PES1: variants seen among roughly 807,000 people sequenced by gnomAD.
PES1 encodes the protein pescadillo homolog.
Under a neutral mutation model 77.1 loss-of-function variants are expected in PES1, and 31 were observed. The observed-to-expected ratio is 0.40, with a 90% CI of 0.30 to 0.54. PES1 has a LOEUF of 0.54. Ranked by LOEUF, PES1 falls within the 20% of genes least tolerant of loss-of-function variation. The probability of loss-of-function intolerance (pLI) is 0.45; values close to 1 mark genes in which losing one functional copy is unlikely to be tolerated. For missense variants in PES1, 658 were observed against 771.7 expected (o/e 0.85, Z 1.75); for synonymous variants, 282 against 303.0 (o/e 0.93, Z 0.72).
intron 1 of PES1, among the ~76,000 whole-genome samples, chr22:30,589,529 C>G (rs2087147810): frequency 6.6e-6 from 1 of 152,202 alleles, no homozygotes. Flanking sequence ...GGTGCTGTGC[C>G]AAGTGCTTAG....
intron 2 of PES1, among the ~76,000 whole-genome samples, chr22:30,598,653 TCCTTA>T (rs1328573687): frequency 6.6e-6 from 1 of 152,038 alleles, no homozygotes; most frequent in African/African-American, 2.4e-5. Context: ...GGTATTGAAC[TCCTTA>T]CCTTAAGTGA....
intron 3 of PES1, among the ~76,000 whole-genome samples, chr22:30,587,773 C>T (rs1266347465): frequency 1.3e-5 from 2 of 152,224 alleles, no homozygotes; most frequent in African/African-American, 2.4e-5. Context: ...CAGACTATAT[C>T]AGCATGAAAC....
chr22:30,588,008 G>A lies in PES1; in HGVS notation c.258+13C>T. 1 of 1,612,938 alleles carries A rather than the reference G, an allele frequency of 6.2e-7. No individual in the cohort carries two copies. The highest frequency in any genetic ancestry group is 8.5e-7 in the Non-Finnish European group (1 of 1,179,818). On this transcript the variant is annotated intron_variant, in intron 3 of 14. Coordinates refer to ENST00000354694, the MANE Select transcript of PES1 (RefSeq NM_014303.4). Reference sequence around the variant, plus strand: ...CGATGAGAACCTGACAGACCCTAGAGCCCAGACCTCACCTTGTATTCACGG... The same window carrying A: ...CGATGAGAACCTGACAGACCCTAGAACCCAGACCTCACCTTGTATTCACGG...
intron 14 of PES1, among the ~76,000 whole-genome samples, chr22:30,578,114 C>T (rs755838236): frequency 1.3e-5 from 2 of 152,312 alleles, no homozygotes; most frequent in South Asian, 4.1e-4. Flanking sequence ...AAAACCCCGT[C>T]TCTACTAAAA....
intron 2 of PES1, among the ~76,000 whole-genome samples, chr22:30,598,134 G>C (rs1041884387): frequency 5.3e-5 from 8 of 152,222 alleles, no homozygotes; most frequent in African/African-American, 1.9e-4. Context: ...TTCTTTCACT[G>C]TTTGCAATAA....
intron 2 of PES1, among the ~76,000 whole-genome samples, chr22:30,602,085 C>CTT (rs1225975917): frequency 1.3e-5 from 2 of 150,596 alleles, no homozygotes; most frequent in Non-Finnish European, 3.0e-5. Flanking sequence ...CTTTTCTTTT[C>CTT]TTTTTTTTCT....
intron 2 of PES1, among the ~76,000 whole-genome samples, chr22:30,601,222 T>C (rs2087349732): frequency 6.6e-6 from 1 of 152,180 alleles, no homozygotes; most frequent in Non-Finnish European, 1.5e-5. Flanking sequence ...CAGAAAACCA[T>C]GTGGAACAGC....
intron 4 of PES1, chr22:30,585,295 G>T (rs1569024814): frequency 2.1e-6 from 1 of 471,576 alleles, no homozygotes; most frequent in South Asian, 1.5e-5. Flanking sequence ...AGCCAGAGCA[G>T]AATGTGTTTC....
rs1206066991 is a variant in PES1, at chr22:30,588,016, C to T, written c.258+5G>A. On this transcript the variant is annotated splice_donor_5th_base_variant and intron_variant, in intron 3 of 14. Transcript: ENST00000354694. ...ACCTGACAGACCCTAGAGCCCAGAC[C>T]TCACCTTGTATTCACGGAACTTGTT... 3 of 1,613,340 alleles carry T rather than the reference C, an allele frequency of 1.9e-6. No individual in the cohort carries two copies. The highest frequency in any genetic ancestry group is 1.7e-5 in the Admixed American group (1 of 60,012).
At chr22:30,577,387 G>A (rs1258947950) in intron 14 of PES1, among the ~76,000 whole-genome samples, 1 of 152,202 alleles carries the variant, frequency 6.6e-6, no homozygotes, top group African/African-American at 2.4e-5. Context: ...CTTGGCAACT[G>A]CCCCATTTCC....
Position 30,579,838 on chromosome 22 carries a change from G to A in PES1, c.1267C>T (p.Leu423Phe). Residue 423 changes from leucine to phenylalanine, a missense_variant, in exon 12 of 15, where the codon CTT (leucine) becomes TTT (phenylalanine). Coordinates refer to ENST00000354694, the MANE Select transcript of PES1 (RefSeq NM_014303.4). ...YFSGVQLPPH[L>F]SPFVTEKEGD... ...TCCTTCTCGGTCACAAAGGGTGAAA[G>A]GTGTGGGGGCAGCTGCACCCCAGAG... 6.2e-7 allele frequency: 1 copy of A among 1,614,084 alleles called. No homozygotes were observed. The highest frequency in any genetic ancestry group is 8.5e-7 in the Non-Finnish European group (1 of 1,180,000).
At chr22:30,602,809 T>C (rs1029110146) in intron 2 of PES1, among the ~76,000 whole-genome samples, 2 of 152,228 alleles carry the variant, frequency 1.3e-5, no homozygotes, top group African/African-American at 2.4e-5. Flanking sequence ...TTTAGGTTGA[T>C]TTGTTTTGCA....
At chr22:30,600,793 T>A (rs1431931602) in intron 2 of PES1, among the ~76,000 whole-genome samples, 2 of 152,138 alleles carry the variant, frequency 1.3e-5, no homozygotes, top group African/African-American at 4.8e-5. Flanking sequence ...CCAGCCTGGG[T>A]GACAGAGCGC....
intron 2 of PES1, 143 bp from the exon 3 acceptor site, chr22:30,588,317 G>T: frequency 2.3e-6 from 2 of 885,914 alleles, no homozygotes; most frequent in Non-Finnish European, 3.5e-6. Context: ...ACATGAGTCT[G>T]ACAGTCACAA....
chr22:30,578,746 G>A, intron 14 of PES1, 91 bp downstream of exon 14: 1 of 1,389,040 alleles, frequency 7.2e-7, no homozygotes, highest in Non-Finnish European at 1.0e-6. Context: ...GCCTCAGTCT[G>A]CCTAGAGGAG....
In PES1 at chr22:30,597,876, A is replaced by ATTTTTTTTTTTTTTTTTTTTT. The variant is rs1210779167; in HGVS notation, c.-660-5479_-660-5478insAAAAAAAAAAAAAAAAAAAAA. On this transcript the variant is annotated intron_variant, in intron 2 of 16. Coordinates refer to the PES1 transcript ENST00000402281. ...CTCGGTTTTTTTTCCACGCAGTTGA[A>ATTTTTTTTTTTTTTTTTTTTT]GTTTTGTTTTTTTTTTTTTTGTTTT... is the stretch of plus-strand genomic sequence containing the variant. Among the ~76,000 whole-genome samples, 21 of 125,158 alleles carry ATTTTTTTTTTTTTTTTTTTTT rather than the reference A, an allele frequency of 1.7e-4. 1 individual carries two copies. Among genetic ancestry groups the ATTTTTTTTTTTTTTTTTTTTT allele is most frequent in the African/African-American group, 6.2e-4 (20 of 32,428 alleles). The allele number at this position is 125,158 out of a possible 152,430, so 82.1% of individuals were successfully genotyped here. A position where few individuals can be genotyped will look rare whatever the true frequency, so the allele number is the denominator to read the frequency against.
chr22:30,589,149 G>A, intron 2 of PES1, 42 bp downstream of exon 2: 1 of 1,469,640 alleles, frequency 6.8e-7, no homozygotes, highest in African/African-American at 1.4e-5. Flanking sequence ...TTTTCAATGT[G>A]CAATTCACTG....
chr22:30,585,341 A>G (rs2087065188), intron 4 of PES1: 1 of 471,402 alleles, frequency 2.1e-6, no homozygotes, highest in Non-Finnish European at 4.4e-6. Context: ...GCCAACAAGG[A>G]TGAGCCACCC....
upstream of PES1, among the ~76,000 whole-genome samples, chr22:30,593,790 C>G (rs772740712): frequency 6.6e-6 from 1 of 152,098 alleles, no homozygotes; most frequent in Non-Finnish European, 1.5e-5. Context: ...TACCACATTT[C>G]ACAAGGGAGG....
Sources: allele counts gnomAD v4.1 joint callset (sites outside exome capture counted in the v4.1 genomes callset), GRCh38; gene constraint gnomAD v4.1.1; transcripts MANE v1.5; gene names NCBI Gene and HGNC (gene_info 2026-07-23, HGNC 2026-07-21).